Variants in CCNI observed in about 807,000 individuals in gnomAD.
CCNI encodes cyclin-I.
CCNI carries 14 observed loss-of-function variants against 34.1 expected under a neutral mutation model. The observed-to-expected ratio is 0.41, with a 90% CI of 0.27 to 0.64. CCNI has a LOEUF of 0.64. Among genes scored for constraint, CCNI ranks in the 30% least tolerant of loss-of-function variants. The probability of loss-of-function intolerance (pLI) is 0.31; values close to 1 mark genes in which losing one functional copy is unlikely to be tolerated. For missense variants in CCNI, 385 were observed against 440.5 expected (o/e 0.87, Z 1.13); for synonymous variants, 154 against 158.4 (o/e 0.97, Z 0.21).
At chr4:77,073,884 C>T (rs189445922) in intron 1 of CCNI, among the ~76,000 whole-genome samples, 2 of 152,214 alleles carry the variant, frequency 1.3e-5, no homozygotes, top group African/African-American at 2.4e-5. Flanking sequence ...TTGTAAACAG[C>T]TTAACAAGTA....
rs571825628 is a variant in CCNI, at chr4:77,048,712, T to C, written c.691-50A>G. 37 of 1,377,580 alleles carry C rather than the reference T, an allele frequency of 2.7e-5. No individual in the cohort carries two copies. In the East Asian group the frequency reaches 4.8e-4, roughly 18 times the overall value. The allele number at this position is 1,377,580 out of a possible 1,614,324, so 85.3% of individuals were successfully genotyped here. ...ACACACAGTTGATCATTAATTAACA[T>C]AGGCTGCTCTGTTATCTCTGGTGGC... On this transcript the variant is annotated intron_variant, in intron 6 of 6. Coordinates refer to ENST00000237654, the MANE Select transcript of CCNI (RefSeq NM_006835.3).
intron 3 of CCNI, among the ~76,000 whole-genome samples, chr4:77,056,887 G>A (rs141309076): frequency 5.3e-4 from 81 of 152,124 alleles, no homozygotes; most frequent in African/African-American, 1.4e-3. Context: ...CACCGTGCCC[G>A]GCCTGAGAGC....
chr4:77,070,856 G>A (rs1014314389), intron 1 of CCNI, among the ~76,000 whole-genome samples: 9 of 152,142 alleles, frequency 5.9e-5, no homozygotes, highest in African/African-American at 1.7e-4. Flanking sequence ...TTATATAAAA[G>A]AAATGGAATG....
chr4:77,059,584 C>A (rs978744759), intron 2 of CCNI, among the ~76,000 whole-genome samples: 2 of 151,748 alleles, frequency 1.3e-5, no homozygotes, highest in African/African-American at 4.8e-5. Flanking sequence ...TCATCTGTTG[C>A]CCCTGGTAAC....
chr4:77,057,295 T>A (rs1728308939), intron 3 of CCNI, among the ~76,000 whole-genome samples: 1 of 152,210 alleles, frequency 6.6e-6, no homozygotes, highest in Non-Finnish European at 1.5e-5. Context: ...GTAGTTTCTA[T>A]CATGAGTTTC....
At chr4:77,073,610 C>T (rs940923180) in intron 1 of CCNI, among the ~76,000 whole-genome samples, 1 of 152,206 alleles carries the variant, frequency 6.6e-6, no homozygotes, top group Non-Finnish European at 1.5e-5. Flanking sequence ...CAAGTGTATG[C>T]TCTTTCCCAA....
In CCNI at chr4:77,048,117, C is replaced by T; in HGVS notation, c.*102G>A. On this transcript the variant is annotated 3_prime_UTR_variant, in exon 7 of 7. Transcript: ENST00000237654. ...TTTTTCTGGCTCACTCCAAATCAGC[C>T]TGTTAAGGTATATTTCCTTCTACAG... 1.3e-6 allele frequency: 1 copy of T among 777,998 alleles called. No individual in the cohort carries two copies. Among genetic ancestry groups the T allele is most frequent in the Non-Finnish European group, 2.1e-6 (1 of 485,360 alleles). 48.2% of individuals were successfully genotyped at this position (777,998 alleles called of 1,614,324 possible). A position where few individuals can be genotyped will look rare whatever the true frequency, so the allele number is the denominator to read the frequency against.
At chr4:77,065,407 GT>G (rs1728957855) in intron 2 of CCNI, among the ~76,000 whole-genome samples, 1 of 152,178 alleles carries the variant, frequency 6.6e-6, no homozygotes, top group South Asian at 2.1e-4. Context: ...AAAGTTCACA[GT>G]TATTTGTGAA....
rs1376910763 is a variant in CCNI at position 77,075,929 on chromosome 4, A to G, written c.-501T>C. On this transcript the variant is annotated 5_prime_UTR_variant, in exon 1 of 7. Transcript: ENST00000237654. Reference sequence around the variant, plus strand: ...AAAAGAAAGGGGAAAGGGGGGAAAAATAAGAAAAAGCGAGACAGAGGCGCT... The same window carrying G: ...AAAAGAAAGGGGAAAGGGGGGAAAAGTAAGAAAAAGCGAGACAGAGGCGCT... The G allele has an allele frequency of 2.0e-5, 3 of 150,936 alleles. No individual in the cohort carries two copies. The highest frequency in any genetic ancestry group is 7.3e-5 in the African/African-American group (3 of 41,024). 9.3% of individuals were successfully genotyped at this position (150,936 alleles called of 1,614,324 possible). A position where few individuals can be genotyped will look rare whatever the true frequency, so the allele number is the denominator to read the frequency against.
At chr4:77,068,407 T>G (rs570610733) in intron 1 of CCNI, among the ~76,000 whole-genome samples, 156 of 152,182 alleles carry the variant, frequency 1.0e-3, no homozygotes, top group African/African-American at 3.6e-3. Context: ...GAGGGTAAAA[T>G]AAAAGCCACG....
chr4:77,051,231 G>A (rs186147958), intron 6 of CCNI, among the ~76,000 whole-genome samples: 26 of 152,258 alleles, frequency 1.7e-4, no homozygotes, highest in Admixed American at 1.7e-3. Context: ...CATGGATATG[G>A]AGAGCCAACT....
At chr4:77,060,020 C>T (rs939486671) in intron 2 of CCNI, among the ~76,000 whole-genome samples, 7 of 151,612 alleles carry the variant, frequency 4.6e-5, no homozygotes, top group African/African-American at 1.7e-4. Flanking sequence ...ATGAAAGGAA[C>T]GATGACTTAC....
At chr4:77,072,249 A>C (rs1729519724) in intron 1 of CCNI, among the ~76,000 whole-genome samples, 1 of 152,114 alleles carries the variant, frequency 6.6e-6, no homozygotes, top group Admixed American at 6.6e-5. Flanking sequence ...AAAAAAAAGA[A>C]TCACTCTTTG....
At position 77,075,638 on chromosome 4, in the gene CCNI, T is replaced by C. The variant is rs1428875432; in HGVS notation, c.-210A>G. 9.9e-6 allele frequency: 9 copies of C among 904,888 alleles called. No homozygotes were observed. Among genetic ancestry groups the C allele is most frequent in the Non-Finnish European group, 1.2e-5 (9 of 759,218 alleles). 56.1% of individuals were successfully genotyped at this position (904,888 alleles called of 1,614,324 possible). On this transcript the variant is annotated 5_prime_UTR_variant, in exon 1 of 7. Coordinates refer to ENST00000237654, the MANE Select transcript of CCNI (RefSeq NM_006835.3). ...TGAGGAGGGAGAAAGGGGAAGCGGATCGGGGGGCGCGGGCGCGGGCGCTGG... is the reference window on the plus strand; with the variant it reads ...TGAGGAGGGAGAAAGGGGAAGCGGACCGGGGGGCGCGGGCGCGGGCGCTGG...
intron 5 of CCNI, 84 bp from the exon 6 acceptor site, chr4:77,055,464 CT>C (rs11378505): frequency 0.15 from 93,617 of 630,206 alleles, 46 homozygotes; most frequent in South Asian, 0.2. Context: ...TATTCAATTT[CT>C]TTTTTTTTTT....
intron 6 of CCNI, among the ~76,000 whole-genome samples, chr4:77,052,707 T>C (rs1339469341): frequency 6.6e-6 from 1 of 152,188 alleles, no homozygotes; most frequent in African/African-American, 2.4e-5. Context: ...AAGACTTTCC[T>C]ATATTAAAAC....
rs4252829 is a variant in CCNI at position 77,065,421 on chromosome 4, A to G, written c.114+828T>C. ...TAAAGTTCACAGTTATTTGTGAAAA[A>G]TAATTATATATGACAGAAGTATAAA... is the stretch of plus-strand genomic sequence containing the variant. On this transcript the variant is annotated intron_variant, in intron 2 of 6. Transcript: ENST00000237654. 7.6e-3 allele frequency among the ~76,000 whole-genome samples: 1,164 copies of G among 152,354 alleles called. 16 individuals are homozygous for G. The highest frequency in any genetic ancestry group is 0.027 in the African/African-American group (1,103 of 41,584).
Position 77,047,655 on chromosome 4 carries a change from T to C in CCNI, c.*564A>G, listed in dbSNP as rs1727522330. 6.6e-6 allele frequency: 1 copy of C among 152,242 alleles called. No homozygotes were observed. The highest frequency in any genetic ancestry group is 2.1e-4 in the South Asian group (1 of 4,832). 9.4% of individuals were successfully genotyped at this position (152,242 alleles called of 1,614,324 possible). A position where few individuals can be genotyped will look rare whatever the true frequency, so the allele number is the denominator to read the frequency against. On this transcript the variant is annotated 3_prime_UTR_variant, in exon 7 of 7. Coordinates refer to ENST00000237654, the MANE Select transcript of CCNI (RefSeq NM_006835.3). ...GAGACACAAAATCAACCTGGTAATA[T>C]GAGAACTTTTTCTTTTGCCATCTCT...
chr4:77,064,660 T>A (rs1578248901), intron 2 of CCNI: 1 of 148,394 alleles, frequency 6.7e-6, no homozygotes, highest in African/African-American at 2.5e-5. Context: ...AGGAAAAGGA[T>A]CGAATTATAA....
Sources: gnomAD v4.1 joint callset for allele counts (sites outside exome capture counted in the v4.1 genomes callset) on GRCh38, gnomAD v4.1.1 for gene constraint, MANE v1.5 for transcripts, NCBI Gene and HGNC (gene_info 2026-07-23, HGNC 2026-07-21) for gene names.